MMS22L: variants seen among roughly 807,000 people sequenced by gnomAD.
MMS22L encodes MMS22 like, DNA repair protein, also known as protein MMS22-like.
MMS22L carries 74 observed loss-of-function variants against 159.1 expected under a neutral mutation model. The ratio of observed to expected loss-of-function variants is 0.47; its 90% CI spans 0.39 to 0.56. MMS22L has a LOEUF of 0.56. Ranked by LOEUF, MMS22L falls within the 20% of genes least tolerant of loss-of-function variation. The pLI, the probability that MMS22L is intolerant of heterozygous loss-of-function variation, is 0.00. For missense variants in MMS22L, 1,351 were observed against 1,422.1 expected, an observed-to-expected ratio of 0.95 and a Z score of 0.80; for synonymous variants, 517 against 506.9, an observed-to-expected ratio of 1.02 and a Z score of -0.27.
At chr6:97,277,275 T>C (rs754183014) in intron 4 of MMS22L, among the ~76,000 whole-genome samples, 80 of 152,072 alleles carry the variant, frequency 5.3e-4, no homozygotes, top group South Asian at 1.5e-3. Flanking sequence ...TATCCAGGTG[T>C]GGTGGTGTGC....
intron 4 of MMS22L, among the ~76,000 whole-genome samples, chr6:97,277,990 A>G (rs893259774): frequency 6.6e-6 from 1 of 152,174 alleles, no homozygotes; most frequent in East Asian, 1.9e-4. Flanking sequence ...AAGACCCACA[A>G]TTAGCTAGGG....
intron 4 of MMS22L, among the ~76,000 whole-genome samples, chr6:97,275,266 C>A (rs905277528): frequency 2.0e-5 from 3 of 152,146 alleles, no homozygotes; most frequent in Non-Finnish European, 4.4e-5. Flanking sequence ...TGGTGGCTCA[C>A]GCCTGTAATC....
At chr6:97,149,723 C>T (rs1299230818) in intron 24 of MMS22L, 130 bp downstream of exon 24, 2 of 915,760 alleles carry the variant, frequency 2.2e-6, no homozygotes, top group African/African-American at 1.7e-5. Flanking sequence ...AATCACAGTA[C>T]TGAAACATTT....
rs1815575478 is a variant in MMS22L, at chr6:97,270,193, A to T, written c.607-201T>A. 16 of 632,078 alleles carry T rather than the reference A, an allele frequency of 2.5e-5. No homozygotes were observed. In the South Asian group the frequency reaches 2.7e-4, roughly 11 times the overall value. 39.2% of individuals were successfully genotyped at this position (632,078 alleles called of 1,614,324 possible). On this transcript the variant is annotated intron_variant, in intron 6 of 24. Coordinates refer to ENST00000683635, the MANE Select transcript of MMS22L (RefSeq NM_001350599.2). ...ATCTTTGAAAGCAGGAAATATTTTC[A>T]TCTGTTGGTTTAAGACAAACCCACC...
intron 21 of MMS22L, among the ~76,000 whole-genome samples, chr6:97,162,469 G>GC (rs1036583269): frequency 6.7e-6 from 1 of 148,644 alleles, no homozygotes; most frequent in African/African-American, 2.5e-5. Flanking sequence ...TAATTTGCAG[G>GC]TTTTTTTTTT....
At chr6:97,181,494 G>C (rs1338398581) in intron 16 of MMS22L, among the ~76,000 whole-genome samples, 4 of 152,098 alleles carry the variant, frequency 2.6e-5, no homozygotes, top group South Asian at 2.1e-4. Flanking sequence ...CATGAGTTAA[G>C]AGTGAGTTAA....
intron 9 of MMS22L, among the ~76,000 whole-genome samples, chr6:97,262,239 T>G (rs1044129665): frequency 6.6e-6 from 1 of 152,158 alleles, no homozygotes; most frequent in Non-Finnish European, 1.5e-5. Flanking sequence ...TGAAAATAAA[T>G]TTTTTTACTC....
At chr6:97,277,181 G>A (rs1314151815) in intron 4 of MMS22L, among the ~76,000 whole-genome samples, 3 of 152,102 alleles carry the variant, frequency 2.0e-5, no homozygotes, top group Non-Finnish European at 4.4e-5. Flanking sequence ...TTGGGAGGCC[G>A]AGGTGGGTGG....
intron 14 of MMS22L, among the ~76,000 whole-genome samples, chr6:97,227,259 T>C (rs1810368253): frequency 6.6e-6 from 1 of 152,144 alleles, no homozygotes; most frequent in Non-Finnish European, 1.5e-5. Context: ...GGCAGAAAGA[T>C]ATATGGATTC....
chr6:97,273,161 G>A (rs1815924450), intron 4 of MMS22L, 99 bp from the exon 5 acceptor site: 5 of 904,908 alleles, frequency 5.5e-6, no homozygotes, highest in Non-Finnish European at 8.5e-6. Context: ...TCTCTATCTT[G>A]TAACATTTTA....
At chr6:97,249,242 C>T (rs957512416) in intron 10 of MMS22L, among the ~76,000 whole-genome samples, 3 of 152,186 alleles carry the variant, frequency 2.0e-5, no homozygotes, top group Non-Finnish European at 4.4e-5. Context: ...AGGAGAAGAA[C>T]GTGGCCTGAC....
At chr6:97,225,633 C>T (rs1436029437) in intron 14 of MMS22L, among the ~76,000 whole-genome samples, 2 of 151,078 alleles carry the variant, frequency 1.3e-5, no homozygotes, top group Non-Finnish European at 2.9e-5. Flanking sequence ...AGTGCAGTGG[C>T]ACGATCTCGG....
intron 14 of MMS22L, among the ~76,000 whole-genome samples, chr6:97,225,406 A>G (rs1349062131): frequency 6.6e-6 from 1 of 151,160 alleles, no homozygotes; most frequent in Non-Finnish European, 1.5e-5. Flanking sequence ...GGAGTCGTGC[A>G]GTGGCGTGAT....
chr6:97,213,502 T>C (rs779284122), intron 14 of MMS22L, among the ~76,000 whole-genome samples: 2 of 152,200 alleles, frequency 1.3e-5, no homozygotes, highest in South Asian at 4.1e-4. Context: ...GGAGGCAGTG[T>C]AGATAAAAGG....
intron 10 of MMS22L, chr6:97,253,805 G>C (rs1441744819): frequency 1.3e-5 from 2 of 152,150 alleles, no homozygotes; most frequent in Non-Finnish European, 1.5e-5. Flanking sequence ...TGATCAGCCA[G>C]GTTTGGTAAC....
chr6:97,179,348 G>A, intron 17 of MMS22L, 60 bp downstream of exon 17: 2 of 1,435,240 alleles, frequency 1.4e-6, no homozygotes, highest in African/African-American at 1.4e-5. Context: ...AAATGATCTA[G>A]ACAGCAAATA....
intron 14 of MMS22L, among the ~76,000 whole-genome samples, chr6:97,207,588 A>C (rs1470639420): frequency 6.6e-6 from 1 of 152,200 alleles, no homozygotes; most frequent in Non-Finnish European, 1.5e-5. Flanking sequence ...GTCAGGGGAA[A>C]TACTGTGGTC....
chr6:97,201,235 TATATA>T (rs1410455324), intron 14 of MMS22L, among the ~76,000 whole-genome samples: 31 of 152,286 alleles, frequency 2.0e-4, no homozygotes, highest in Admixed American at 1.1e-3. Flanking sequence ...CAACAGATAA[TATATA>T]ATATATTCTT....
intron 14 of MMS22L, among the ~76,000 whole-genome samples, chr6:97,209,189 T>C (rs1808109070): frequency 6.6e-6 from 1 of 152,224 alleles, no homozygotes; most frequent in African/African-American, 2.4e-5. Context: ...TCATTACTCA[T>C]TAATTTTCAC....
Sources: gnomAD v4.1 joint callset for allele counts (sites outside exome capture counted in the v4.1 genomes callset) on GRCh38, gnomAD v4.1.1 for gene constraint, MANE v1.5 for transcripts, NCBI Gene and HGNC (gene_info 2026-07-23, HGNC 2026-07-21) for gene names.